The following PRKN variants were observed in gnomAD, a reference collection of about 807,000 sequenced individuals.
PRKN encodes the protein E3 ubiquitin-protein ligase parkin.
A neutral mutation model predicts 59.5 loss-of-function variants in PRKN; 56 were observed. The observed-to-expected ratio is 0.94, with a 90% CI of 0.76 to 1.18. The LOEUF (loss-of-function observed/expected upper bound fraction) is 1.18. PRKN is among the 50% of genes most tolerant of loss of function. The pLI is 0.00. For missense variants in PRKN, 657 were observed against 596.4 expected (o/e 1.10, Z -1.06); for synonymous variants, 250 against 222.1 (o/e 1.13, Z -1.12).
intron 7 of PRKN, among the ~76,000 whole-genome samples, chr6:161,775,670 T>G (rs1789893472): frequency 6.6e-6 from 1 of 152,218 alleles, no homozygotes; most frequent in African/African-American, 2.4e-5. Flanking sequence ...AGGAGTTATA[T>G]TAACATGATT....
At chr6:161,742,607 T>A (rs1788235894) in intron 7 of PRKN, among the ~76,000 whole-genome samples, 1 of 152,192 alleles carries the variant, frequency 6.6e-6, no homozygotes, top group Non-Finnish European at 1.5e-5. Context: ...AGCTCTCACA[T>A]ATGCAAGGAC....
intron 7 of PRKN, among the ~76,000 whole-genome samples, chr6:161,680,750 TATATATATATATATATATATATA>T (rs1253121887): frequency 0.028 from 553 of 19,918 alleles, 15 homozygotes; most frequent in South Asian, 0.043. Flanking sequence ...TATATATATA[TATATATATATATATATATATATA>T]TATTTTTTTT....
In PRKN at chr6:161,501,137, G is replaced by T. The variant is rs115388094; in HGVS notation, c.1083+47717C>A. Among the ~76,000 whole-genome samples the T allele has an allele frequency of 7.9e-3, 1,198 of 152,196 alleles. 16 individuals are homozygous for T. Among genetic ancestry groups the T allele is most frequent in the African/African-American group, 0.026 (1,099 of 41,530 alleles). On this transcript the variant is annotated intron_variant, in intron 9 of 11. Coordinates refer to ENST00000366898, the MANE Select transcript of PRKN (RefSeq NM_004562.3). ...ATCTGCCTGCCTCAACCTCCCAAGC[G>T]CTGGGATTACAGGCAAGAGCCATTG...
At chr6:162,130,232 C>G (rs1562530419) in intron 4 of PRKN, among the ~76,000 whole-genome samples, 1 of 151,960 alleles carries the variant, frequency 6.6e-6, no homozygotes, top group East Asian at 1.9e-4. Flanking sequence ...CTCAGAAATC[C>G]TTTTTTGTCT....
At chr6:161,642,521 C>T (rs756947956) in intron 7 of PRKN, among the ~76,000 whole-genome samples, 13 of 151,980 alleles carry the variant, frequency 8.6e-5, no homozygotes, top group Non-Finnish European at 1.8e-4. Context: ...TTCTGGAAAT[C>T]AAAAGGAAGA....
At chr6:162,485,819 C>T (rs1322267084) in intron 1 of PRKN, among the ~76,000 whole-genome samples, 1 of 152,188 alleles carries the variant, frequency 6.6e-6, no homozygotes, top group Non-Finnish European at 1.5e-5. Flanking sequence ...CACAGTCACA[C>T]TGACAGAAAT....
chr6:162,060,523 A>G (rs1280225394), intron 4 of PRKN, among the ~76,000 whole-genome samples: 2 of 152,260 alleles, frequency 1.3e-5, no homozygotes, highest in Non-Finnish European at 2.9e-5. Context: ...TGTGGGTTTT[A>G]AAATTTATTT....
intron 9 of PRKN, among the ~76,000 whole-genome samples, chr6:161,408,827 G>C (rs1392915564): frequency 6.6e-6 from 1 of 152,122 alleles, no homozygotes; most frequent in Non-Finnish European, 1.5e-5. Context: ...TTAGGAAATA[G>C]CCAATGAAAT....
intron 6 of PRKN, among the ~76,000 whole-genome samples, chr6:161,940,078 T>G (rs75001846): frequency 6.6e-6 from 1 of 152,066 alleles, no homozygotes; most frequent in Non-Finnish European, 1.5e-5. Context: ...GCATTTTTAG[T>G]AGAGACGGGG....
intron 2 of PRKN, among the ~76,000 whole-genome samples, chr6:162,366,990 C>T (rs193238776): frequency 1.1e-3 from 160 of 152,306 alleles, no homozygotes; most frequent in Admixed American, 2.3e-3. Context: ...TATGGTTTGG[C>T]TGTGTCCCTA....
At chr6:161,616,268 CCTGCTCT>C (rs1349998008) in intron 7 of PRKN, among the ~76,000 whole-genome samples, 149 of 152,306 alleles carry the variant, frequency 9.8e-4, no homozygotes, top group African/African-American at 3.4e-3. Flanking sequence ...AGGTTTGCCT[CCTGCTCT>C]CCCTGCAAGG....
intron 1 of PRKN, among the ~76,000 whole-genome samples, chr6:162,491,722 A>T (rs1792825068): frequency 6.6e-6 from 1 of 152,144 alleles, no homozygotes; most frequent in African/African-American, 2.4e-5. Context: ...CATTCGTCAC[A>T]GCTCCTTGGA....
At position 162,154,193 on chromosome 6, in the gene PRKN, T is replaced by C. The variant is rs570274484; in HGVS notation, c.534+46938A>G. Among the ~76,000 whole-genome samples the C allele has an allele frequency of 4.6e-5, 7 of 152,270 alleles. 1 individual carries two copies. In the South Asian group the frequency reaches 1.0e-3, roughly 23 times the overall value. On this transcript the variant is annotated intron_variant, in intron 4 of 11. Transcript: ENST00000366898. ...AAACAGTGGTCAAAGCCAGTGCTGC[T>C]GAAGACACCCGCATCGCCTCTGCAT...
At chr6:161,750,362 A>G (rs2128194586) in intron 7 of PRKN, among the ~76,000 whole-genome samples, 1 of 152,238 alleles carries the variant, frequency 6.6e-6, no homozygotes, top group East Asian at 1.9e-4. Flanking sequence ...TCTATTTCTG[A>G]ATAATTGTTG....
At chr6:161,572,743 C>G (rs1180927609) in intron 7 of PRKN, among the ~76,000 whole-genome samples, 1 of 152,078 alleles carries the variant, frequency 6.6e-6, no homozygotes, top group African/African-American at 2.4e-5. Context: ...ACAGGCATGT[C>G]TGGTACTGTA....
intron 9 of PRKN, among the ~76,000 whole-genome samples, chr6:161,415,592 G>GGGGGGGCCCCCC: frequency 2.8e-5 from 1 of 36,252 alleles, no homozygotes; most frequent in African/African-American, 1.1e-4. Flanking sequence ...AGGAAATGTC[G>GGGGGGGCCCCCC]CCCCCCCCCC....
At chr6:162,407,152 T>G (rs1374430133) in intron 2 of PRKN, among the ~76,000 whole-genome samples, 2 of 152,164 alleles carry the variant, frequency 1.3e-5, no homozygotes, top group East Asian at 3.9e-4. Context: ...TCACTGCTCT[T>G]GCCCTCACTC....
intron 2 of PRKN, among the ~76,000 whole-genome samples, chr6:162,317,923 T>C (rs1782820364): frequency 1.3e-5 from 2 of 151,862 alleles, no homozygotes; most frequent in South Asian, 2.1e-4. Context: ...AAAATATATA[T>C]ATAATCTACC....
chr6:162,727,490 C>T (rs944264003), intron 1 of PRKN, among the ~76,000 whole-genome samples, 172 bp downstream of exon 1: 3 of 152,092 alleles, frequency 2.0e-5, no homozygotes, highest in Non-Finnish European at 4.4e-5. Context: ...GGGCCCCGGA[C>T]CCGCGTCGCT....
Sources: allele counts gnomAD v4.1 joint callset (sites outside exome capture counted in the v4.1 genomes callset), GRCh38; gene constraint gnomAD v4.1.1; transcripts MANE v1.5; gene names NCBI Gene and HGNC (gene_info 2026-07-23, HGNC 2026-07-21).